The following SORCS2 variants were observed in gnomAD, a reference collection of about 807,000 sequenced individuals.
SORCS2 encodes VPS10 domain-containing receptor SorCS2.
SORCS2 carries 100 observed loss-of-function variants against 141.6 expected under a neutral mutation model. That is an observed-to-expected ratio of 0.71 (90% CI 0.60 to 0.83). SORCS2 has a LOEUF of 0.83. Among genes scored for constraint, SORCS2 ranks in the 40% least tolerant of loss-of-function variants. SORCS2 has a pLI of 0.00. For missense variants in SORCS2, 1,646 were observed against 1,560.2 expected, an observed-to-expected ratio of 1.05 and a Z score of -0.93; for synonymous variants, 789 against 676.9, an observed-to-expected ratio of 1.17 and a Z score of -2.57.
At chr4:7,360,865 A>G (rs1721541572) in intron 1 of SORCS2, among the ~76,000 whole-genome samples, 1 of 151,450 alleles carries the variant, frequency 6.6e-6, no homozygotes, top group Non-Finnish European at 1.5e-5. Flanking sequence ...GATTACAGCC[A>G]CTGCCCGGCC....
chr4:7,460,163 C>G (rs1009495545), intron 2 of SORCS2: 1 of 154,882 alleles, frequency 6.5e-6, no homozygotes, highest in African/African-American at 2.4e-5. Flanking sequence ...TGAGAGTACC[C>G]CCGCTCCCCA....
intron 2 of SORCS2, among the ~76,000 whole-genome samples, chr4:7,438,251 G>A (rs889250157): frequency 6.6e-6 from 1 of 152,194 alleles, no homozygotes; most frequent in Admixed American, 6.5e-5. Flanking sequence ...TTGTAGCACT[G>A]GGGAACCAGC....
At position 7,359,286 on chromosome 4, in the gene SORCS2, ACT is replaced by A. The variant is rs369922426; in HGVS notation, c.481-36999_481-36998del. ...ATTCCAGCCTGGGCAACAGAGCGAG[ACT>A]CTGTTAAGCAAACAAGCAAATAAAC... On this transcript the variant is annotated intron_variant, in intron 1 of 26. Coordinates refer to ENST00000507866, the MANE Select transcript of SORCS2 (RefSeq NM_020777.3). 3.8e-3 allele frequency among the ~76,000 whole-genome samples: 568 copies of A among 150,718 alleles called. 2 individuals are homozygous for A. The highest frequency in any genetic ancestry group is 0.013 in the African/African-American group (530 of 41,016).
chr4:7,433,394 C>T (rs561400494), intron 2 of SORCS2: 13 of 1,498,506 alleles, frequency 8.7e-6, no homozygotes, highest in East Asian at 2.3e-5. Context: ...CACAGCTTGG[C>T]GGCCTCCTGG....
At chr4:7,229,347 A>C (rs2108773213) in intron 1 of SORCS2, among the ~76,000 whole-genome samples, 2 of 151,842 alleles carry the variant, frequency 1.3e-5, no homozygotes, top group South Asian at 4.2e-4. Flanking sequence ...TCTCCCTGGG[A>C]GGATCTCGGT....
rs376465153 is a variant in SORCS2, at chr4:7,718,139, G to C, written c.2380G>C (p.Val794Leu). 1 of 1,611,320 alleles carries C rather than the reference G, an allele frequency of 6.2e-7. No individual in the cohort carries two copies. The highest frequency in any genetic ancestry group is 8.5e-7 in the Non-Finnish European group (1 of 1,179,154). The change falls in exon 18 of 27, where the codon GTG (valine) becomes CTG (leucine). Residue 794 changes from valine to leucine, a missense_variant. Coordinates refer to ENST00000507866, the MANE Select transcript of SORCS2 (RefSeq NM_020777.3). The part of the protein sequence containing the change: ...QVSIQGEAVA[V>L]RPGEDVLFVV... ...CAGCATTCAAGGCGAGGCGGTGGCC[G>C]TGCGGCCTGGAGAGGACGTCCTGTT...
intron 1 of SORCS2, among the ~76,000 whole-genome samples, chr4:7,232,554 G>A (rs1711969883): frequency 6.6e-6 from 1 of 152,218 alleles, no homozygotes; most frequent in Admixed American, 6.5e-5. Context: ...TCGCTTTCCT[G>A]CCAAGCCTCG....
intron 1 of SORCS2, among the ~76,000 whole-genome samples, chr4:7,203,419 G>A (rs980153112): frequency 4.0e-5 from 6 of 151,864 alleles, no homozygotes; most frequent in East Asian, 1.9e-4. Context: ...GCAAGACTCC[G>A]CCTCAAAAAA....
intron 1 of SORCS2, among the ~76,000 whole-genome samples, chr4:7,227,563 A>C (rs1002451568): frequency 6.6e-6 from 1 of 152,050 alleles, no homozygotes; most frequent in Non-Finnish European, 1.5e-5. Flanking sequence ...GGCAGGGGGC[A>C]CGTTGCATCC....
At chr4:7,563,477 T>G (rs1714747335) in intron 3 of SORCS2, among the ~76,000 whole-genome samples, 1 of 152,132 alleles carries the variant, frequency 6.6e-6, no homozygotes, top group Non-Finnish European at 1.5e-5. Flanking sequence ...AGCAGGAGTT[T>G]CGTGGGGGCA....
chr4:7,488,924 G>A (rs767758577), intron 2 of SORCS2, among the ~76,000 whole-genome samples: 6 of 152,204 alleles, frequency 3.9e-5, no homozygotes, highest in East Asian at 1.9e-4. Context: ...TGACAGGTCC[G>A]CACTTGCTTG....
intron 1 of SORCS2, among the ~76,000 whole-genome samples, chr4:7,198,344 G>A (rs751414073): frequency 3.9e-5 from 6 of 152,196 alleles, no homozygotes; most frequent in Non-Finnish European, 7.4e-5. Context: ...TTGAAGCCTC[G>A]TGTCCGATGC....
chr4:7,258,235 G>A (rs1714046357), intron 1 of SORCS2, among the ~76,000 whole-genome samples: 1 of 152,156 alleles, frequency 6.6e-6, no homozygotes, highest in African/African-American at 2.4e-5. Flanking sequence ...TGCCATGGTG[G>A]TTTGCTGCAC....
chr4:7,453,930 CTGTGTTGGGGTCAGGAGCTG>C, intron 2 of SORCS2, among the ~76,000 whole-genome samples: 3 of 107,636 alleles, frequency 2.8e-5, no homozygotes, highest in Non-Finnish European at 3.7e-5. Context: ...GGGTCAGGCA[CTGTGTTGGGGTCAGGAGCTG>C]TGTGTTGGGG....
intron 14 of SORCS2, among the ~76,000 whole-genome samples, chr4:7,708,676 G>A (rs1007881952): frequency 2.0e-5 from 3 of 152,184 alleles, no homozygotes; most frequent in Admixed American, 6.5e-5. Context: ...GGGCTGCAAC[G>A]CAGCTTTAGT....
At chr4:7,579,753 G>C (rs1195776062) in intron 3 of SORCS2, among the ~76,000 whole-genome samples, 1 of 152,164 alleles carries the variant, frequency 6.6e-6, no homozygotes, top group Non-Finnish European at 1.5e-5. Context: ...CTGTGTTAAG[G>C]AGTCTGCCTT....
chr4:7,688,695 T>C (rs1724023241), intron 10 of SORCS2, among the ~76,000 whole-genome samples: 1 of 135,436 alleles, frequency 7.4e-6, no homozygotes, highest in South Asian at 2.7e-4. Context: ...CTTCACCCTA[T>C]GGAGTTCCCT....
intron 2 of SORCS2, among the ~76,000 whole-genome samples, chr4:7,454,445 C>A (rs1478181657): frequency 8.8e-6 from 1 of 114,170 alleles, no homozygotes; most frequent in African/African-American, 3.5e-5. Flanking sequence ...AGTCAGGCTC[C>A]GTGTTAGTGT....
chr4:7,407,022 T>C (rs190055615), intron 2 of SORCS2, among the ~76,000 whole-genome samples: 1 of 152,312 alleles, frequency 6.6e-6, no homozygotes, highest in Non-Finnish European at 1.5e-5. Context: ...ATTTCTAGTT[T>C]TATTTATTTG....
Sources: gnomAD v4.1 joint callset for allele counts (sites outside exome capture counted in the v4.1 genomes callset) on GRCh38, gnomAD v4.1.1 for gene constraint, MANE v1.5 for transcripts, NCBI Gene and HGNC (gene_info 2026-07-23, HGNC 2026-07-21) for gene names.